The following SPRED2 variants were observed in gnomAD, a reference collection of about 807,000 sequenced individuals.
SPRED2 encodes sprouty related EVH1 domain containing 2.
Under a neutral mutation model 43.0 loss-of-function variants are expected in SPRED2, and 47 were observed. The observed-to-expected ratio is 1.09, with a 90% CI of 0.87 to 1.40. The LOEUF (loss-of-function observed/expected upper bound fraction) is 1.40, where lower values mean the gene tolerates loss of function less well. Among genes scored for constraint, SPRED2 ranks in the 40% most tolerant of loss-of-function variants. The pLI is 0.00. For synonymous variants in SPRED2, 225 were observed against 225.7 expected, an observed-to-expected ratio of 1.00 and a Z score of 0.03; for missense variants, 561 against 586.4, an observed-to-expected ratio of 0.96 and a Z score of 0.45.
intron 1 of SPRED2, among the ~76,000 whole-genome samples, chr2:65,376,312 T>C (rs1675235972): frequency 6.6e-6 from 1 of 152,204 alleles, no homozygotes; most frequent in Non-Finnish European, 1.5e-5. Flanking sequence ...CGGCATTCCA[T>C]GGGTCCGTTT....
At chr2:65,362,896 C>T (rs1674859272) in intron 1 of SPRED2, among the ~76,000 whole-genome samples, 1 of 150,422 alleles carries the variant, frequency 6.6e-6, no homozygotes. Flanking sequence ...AAAAAAACGG[C>T]TGGGCACGGT....
chr2:65,316,644 T>C (rs1482928840), intron 5 of SPRED2, 90 bp downstream of exon 5: 3 of 1,475,924 alleles, frequency 2.0e-6, no homozygotes, highest in Admixed American at 2.0e-5. Context: ...CCTGTGGTCA[T>C]GGAATTTGGC....
intron 4 of SPRED2, among the ~76,000 whole-genome samples, chr2:65,321,795 C>T (rs1231104486): frequency 1.3e-5 from 2 of 152,104 alleles, no homozygotes; most frequent in African/African-American, 4.8e-5. Context: ...TTTTTTGAGA[C>T]AGAGCCTTGA....
Position 65,342,699 on chromosome 2 carries a change from T to C in SPRED2, c.204+2020A>G, listed in dbSNP as rs143732663. On this transcript the variant is annotated intron_variant, in intron 2 of 5. Transcript: ENST00000356388. Reference sequence around the variant, plus strand: ...TGACACTAAGGAGGTGGTCAAATAATGAAACATCAAACTGATATCAGCAAC... The same window carrying C: ...TGACACTAAGGAGGTGGTCAAATAACGAAACATCAAACTGATATCAGCAAC... Among the ~76,000 whole-genome samples, 50 of 152,320 alleles carry C rather than the reference T, an allele frequency of 3.3e-4. 1 individual carries two copies. The East Asian group carries it at 9.6e-3, about 29-fold the overall frequency.
chr2:65,395,212 C>T (rs975131287), intron 1 of SPRED2, among the ~76,000 whole-genome samples: 1 of 152,180 alleles, frequency 6.6e-6, no homozygotes, highest in South Asian at 2.1e-4. Context: ...CTGGCCTCCA[C>T]ACACTCTTCC....
At chr2:65,375,728 G>A (rs533553194) in intron 1 of SPRED2, among the ~76,000 whole-genome samples, 1 of 152,288 alleles carries the variant, frequency 6.6e-6, no homozygotes, top group South Asian at 2.1e-4. Context: ...TCATTTTTCA[G>A]AACACTTTTA....
intron 1 of SPRED2, among the ~76,000 whole-genome samples, chr2:65,401,927 G>GCA (rs771825130): frequency 1.2e-3 from 35 of 30,024 alleles, no homozygotes; most frequent in Middle Eastern, 0.015. Flanking sequence ...CAGAATATTA[G>GCA]CGCGCGCGCG....
chr2:65,396,829 C>CA (rs1675769926), intron 1 of SPRED2, among the ~76,000 whole-genome samples: 1 of 152,206 alleles, frequency 6.6e-6, no homozygotes, highest in African/African-American at 2.4e-5. Context: ...CTCAGTGCTT[C>CA]AGTCCTGAAG....
intron 2 of SPRED2, among the ~76,000 whole-genome samples, chr2:65,338,449 C>T (rs982872646): frequency 1.3e-5 from 2 of 152,026 alleles, no homozygotes; most frequent in East Asian, 3.9e-4. Flanking sequence ...AGGCGCGCGC[C>T]GCCACGCCTG....
At chr2:65,310,458 TACACACACACACACACACACACACACAC>T (rs55916427), downstream of SPRED2, among the ~76,000 whole-genome samples, 1 of 137,892 alleles carries the variant, frequency 7.3e-6, no homozygotes. Context: ...TCCTCCAAAC[TACACACACACACACACACACACACACAC>T]ACACACACAC....
At chr2:65,394,150 T>G (rs375856310) in intron 1 of SPRED2, among the ~76,000 whole-genome samples, 13 of 152,282 alleles carry the variant, frequency 8.5e-5, no homozygotes, top group African/African-American at 3.1e-4. Context: ...ATATGTAAAT[T>G]TTTTAAAGTC....
At chr2:65,385,644 C>T (rs566052317) in intron 1 of SPRED2, among the ~76,000 whole-genome samples, 7 of 152,256 alleles carry the variant, frequency 4.6e-5, no homozygotes, top group African/African-American at 1.4e-4. Context: ...GTTTGATTCC[C>T]TACCCACTGC....
At chr2:65,376,839 T>C (rs1675250147) in intron 1 of SPRED2, among the ~76,000 whole-genome samples, 1 of 152,088 alleles carries the variant, frequency 6.6e-6, no homozygotes, top group African/African-American at 2.4e-5. Flanking sequence ...CTCAGCCTCC[T>C]GAGTAGCTGG....
In SPRED2 at chr2:65,314,110, G is replaced by A; in HGVS notation, c.648C>T (p.Arg216=). 6.2e-7 allele frequency: 1 copy of A among 1,611,448 alleles called. No individual in the cohort carries two copies. The highest frequency in any genetic ancestry group is 1.7e-5 in the Admixed American group (1 of 59,972). ...SFPDDDEEIV[R]INPREKIWMT... The stretch of plus-strand genomic sequence containing the variant: ...TCCAGATCTTCTCCCGGGGGTTGAT[G>A]CGCACGATCTCCTCGTCGTCGTCCG... The change falls in exon 6 of 6, where the codon CGC becomes CGT. Residue 216 remains arginine, a synonymous_variant. Coordinates refer to ENST00000356388, the MANE Select transcript of SPRED2 (RefSeq NM_181784.3).
At chr2:65,403,528 A>G (rs560949292) in intron 1 of SPRED2, among the ~76,000 whole-genome samples, 19 of 152,284 alleles carry the variant, frequency 1.2e-4, no homozygotes, top group South Asian at 8.3e-4. Flanking sequence ...TGGCCTCCTA[A>G]AATGCTGGGA....
At chr2:65,310,468 C>G (rs1489183601), downstream of SPRED2, among the ~76,000 whole-genome samples, 1 of 117,968 alleles carries the variant, frequency 8.5e-6, no homozygotes, top group East Asian at 2.0e-4. Flanking sequence ...TACACACACA[C>G]ACACACACAC....
chr2:65,399,283 A>AT (rs1348629547), intron 1 of SPRED2, among the ~76,000 whole-genome samples: 17 of 150,196 alleles, frequency 1.1e-4, no homozygotes, highest in Admixed American at 1.1e-3. Context: ...AAAAAAAAAA[A>AT]GGTGTATATA....
At chr2:65,317,550 AACAAC>A (rs1216513233) in intron 4 of SPRED2, among the ~76,000 whole-genome samples, 2 of 135,648 alleles carry the variant, frequency 1.5e-5, no homozygotes, top group Admixed American at 7.0e-5. Flanking sequence ...CAACAACAAC[AACAAC>A]AACAAAAACA....
At chr2:65,376,027 C>A (rs945313694) in intron 1 of SPRED2, among the ~76,000 whole-genome samples, 1 of 152,182 alleles carries the variant, frequency 6.6e-6, no homozygotes, top group African/African-American at 2.4e-5. Context: ...GCACAGAATG[C>A]CAACAGGTAA....
Sources: gnomAD v4.1 joint callset for allele counts (sites outside exome capture counted in the v4.1 genomes callset) on GRCh38, gnomAD v4.1.1 for gene constraint, MANE v1.5 for transcripts, NCBI Gene and HGNC (gene_info 2026-07-23, HGNC 2026-07-21) for gene names.